Variants in SLC5A2 observed in about 807,000 individuals in gnomAD.
SLC5A2 encodes sodium/glucose cotransporter 2.
In SLC5A2, 67 loss-of-function variants were observed where a neutral mutation model predicts 69.0. That is an observed-to-expected ratio of 0.97 (90% CI 0.80 to 1.19). SLC5A2 has a LOEUF of 1.19. Among genes scored for constraint, SLC5A2 ranks in the 50% most tolerant of loss-of-function variants. The pLI is 0.00. For synonymous variants in SLC5A2, 455 were observed against 395.8 expected (o/e 1.15, Z -1.78); for missense variants, 1,001 against 921.5 (o/e 1.09, Z -1.12).
At chr16:31,488,825 G>C in intron 10 of SLC5A2, 53 bp downstream of exon 10, 1 of 1,601,006 alleles carries the variant, frequency 6.2e-7, no homozygotes, top group Non-Finnish European at 8.5e-7. Context: ...GCGGGGGCTT[G>C]CGCACCTGCA....
At chr16:31,489,966 T>C in intron 12 of SLC5A2, 138 bp from the exon 13 acceptor site, 1 of 1,134,944 alleles carries the variant, frequency 8.8e-7, no homozygotes, top group Non-Finnish European at 1.3e-6. Flanking sequence ...GGAGTTGGCA[T>C]GAGTTAAGCC....
At position 31,488,900 on chromosome 16, in the gene SLC5A2, T is replaced by A. The variant is rs1000795934; in HGVS notation, c.1301T>A (p.Val434Glu). 6.2e-7 allele frequency: 1 copy of A among 1,605,482 alleles called. No individual in the cohort carries two copies. Among genetic ancestry groups the A allele is most frequent in the Middle Eastern group, 1.7e-4 (1 of 6,010 alleles). Residue 434 changes from valine (V) to glutamate (E), a missense_variant, in exon 11 of 14, where the codon GTG becomes GAG. Physicochemically the swap from Val to Glu is moderately radical, Grantham distance 121 (BLOSUM62 -2). Coordinates refer to ENST00000330498, the MANE Select transcript of SLC5A2 (RefSeq NM_003041.4). ...LVGRLWVVFI[V>E]VVSVAWLPVV... Reference sequence around the variant, plus strand: ...CGCAGGCTCTGGGTGGTGTTCATCGTGGTAGTGTCGGTGGCCTGGCTTCCC... The same window carrying A: ...CGCAGGCTCTGGGTGGTGTTCATCGAGGTAGTGTCGGTGGCCTGGCTTCCC...
At position 31,485,768 on chromosome 16, in the gene SLC5A2, C is replaced by T. The variant is rs757944044; in HGVS notation, c.343C>T (p.Pro115Ser). 1.9e-6 allele frequency: 3 copies of T among 1,613,774 alleles called. No individual in the cohort carries two copies. Among genetic ancestry groups the T allele is most frequent in the Non-Finnish European group, 2.5e-6 (3 of 1,180,030 alleles). Residue 115 changes from proline to serine, a missense_variant, in exon 4 of 14, where the codon CCC (proline) becomes TCC (serine). Pro to Ser is a moderately conservative substitution (Grantham distance 74, BLOSUM62 -1). Coordinates refer to ENST00000330498, the MANE Select transcript of SLC5A2 (RefSeq NM_003041.4). ...VVLLLGWLFA[P>S]VYLTAGVITM... ...GCTGCTACTGGGCTGGCTGTTTGCA[C>T]CCGTGTACCTGACAGCGGGGGTCAT...
intron 1 of SLC5A2, among the ~76,000 whole-genome samples, chr16:31,484,257 C>T (rs545523522): frequency 6.5e-5 from 8 of 123,056 alleles, no homozygotes; most frequent in South Asian, 4.4e-4. Context: ...CACACACACA[C>T]GCACACACAC....
intron 3 of SLC5A2, chr16:31,485,504 A>G: frequency 1.7e-6 from 1 of 603,152 alleles, no homozygotes; most frequent in Non-Finnish European, 2.9e-6. Flanking sequence ...ACGGGCCAGA[A>G]GTGATAGCCT....
chr16:31,487,028 G>C (rs1191538551), intron 5 of SLC5A2, among the ~76,000 whole-genome samples: 4 of 151,028 alleles, frequency 2.6e-5, no homozygotes, highest in African/African-American at 9.7e-5. Context: ...CTGGGCGACA[G>C]GGCAAGACTC....
intron 10 of SLC5A2, 32 bp from the exon 11 acceptor site, chr16:31,488,848 G>A: frequency 6.2e-7 from 1 of 1,602,686 alleles, no homozygotes; most frequent in South Asian, 1.1e-5. Flanking sequence ...GGAGCCCAGG[G>A]TCCGGGTTCG....
In SLC5A2 at chr16:31,483,805, T is replaced by G. The variant is rs745877074; in HGVS notation, c.126+543T>G. Among the ~76,000 whole-genome samples the G allele has an allele frequency of 9.2e-5, 14 of 152,076 alleles. 1 individual carries two copies. Among genetic ancestry groups the G allele is most frequent in the Non-Finnish European group, 1.9e-4 (13 of 68,014 alleles). Reference sequence around the variant, plus strand: ...TCTCACCATGTTGCCCAGGCTAGTCTTGAACTCTTAGGCTCAAGCAATCCT... The same window carrying G: ...TCTCACCATGTTGCCCAGGCTAGTCGTGAACTCTTAGGCTCAAGCAATCCT... On this transcript the variant is annotated intron_variant, in intron 1 of 13. Transcript: ENST00000330498.
chr16:31,490,701 C>T lies in SLC5A2; in HGVS notation c.*166C>T. On this transcript the variant is annotated 3_prime_UTR_variant, in exon 14 of 14. Transcript: ENST00000330498. ...GCCCACTGCATCTGATTGGCAGTCA[C>T]TTCCCATGAGGGCCTGGCCCACCCG... The T allele has an allele frequency of 8.6e-7, 1 of 1,168,164 alleles. No homozygotes were observed. Among genetic ancestry groups the T allele is most frequent in the East Asian group, 2.4e-5 (1 of 41,568 alleles). 72.4% of individuals were successfully genotyped at this position (1,168,164 alleles called of 1,614,324 possible). A position where few individuals can be genotyped will look rare whatever the true frequency, so the allele number is the denominator to read the frequency against.
At chr16:31,487,829 C>T (rs2082511065) in intron 7 of SLC5A2, 70 bp downstream of exon 7, 2 of 1,482,324 alleles carry the variant, frequency 1.3e-6, no homozygotes, top group Admixed American at 2.0e-5. Flanking sequence ...TGAGTCCCTC[C>T]CCGCCTTCCC....
chr16:31,488,820 G>A (rs1372805128), intron 10 of SLC5A2, 48 bp downstream of exon 10: 1 of 1,601,102 alleles, frequency 6.2e-7, no homozygotes, highest in Non-Finnish European at 8.5e-7. Context: ...CCGGGGCGGG[G>A]GCTTGCGCAC....
chr16:31,487,712 C>A lies in SLC5A2; in HGVS notation c.838C>A (p.Leu280Ile). 6.2e-7 allele frequency: 1 copy of A among 1,612,812 alleles called. No individual in the cohort carries two copies. The highest frequency in any genetic ancestry group is 8.5e-7 in the Non-Finnish European group (1 of 1,179,910). Residue 280 changes from leucine to isoleucine, a missense_variant, in exon 7 of 14, where the codon CTC (leucine) becomes ATC (isoleucine). Transcript: ENST00000330498. ...VTGDLPWPAL[L>I]LGLTIVSGWY... ...CGGGGATCTGCCGTGGCCCGCGCTG[C>A]TCCTCGGACTCACAATCGTCTCGGG...
intron 3 of SLC5A2, chr16:31,485,496 G>C: frequency 1.7e-6 from 1 of 595,168 alleles, no homozygotes; most frequent in Non-Finnish European, 3.0e-6. Flanking sequence ...TGGGAAAAAC[G>C]GGCCAGAAGT....
In SLC5A2 at chr16:31,486,091, T is replaced by C. The variant is rs573513135; in HGVS notation, c.469-79T>C. 96 of 1,254,492 alleles carry C rather than the reference T, an allele frequency of 7.7e-5. 1 individual carries two copies. The South Asian group carries it at 1.1e-3, about 14-fold the overall frequency. The allele number at this position is 1,254,492 out of a possible 1,614,324, so 77.7% of individuals were successfully genotyped here. A position where few individuals can be genotyped will look rare whatever the true frequency, so the allele number is the denominator to read the frequency against. On this transcript the variant is annotated intron_variant, in intron 4 of 13. Coordinates refer to ENST00000330498, the MANE Select transcript of SLC5A2 (RefSeq NM_003041.4). Reference sequence around the variant, plus strand: ...GAAAAATGGAGGGAAGCTTTGAGGCTAGTAGGGCATGGCCTGGGCAGGAGG... The same window carrying C: ...GAAAAATGGAGGGAAGCTTTGAGGCCAGTAGGGCATGGCCTGGGCAGGAGG...
In SLC5A2 at chr16:31,487,647, C is replaced by G. The variant is rs1446324960; in HGVS notation, c.773C>G (p.Pro258Arg). The change falls in exon 7 of 14, where the codon CCC becomes CGC. Residue 258 changes from proline (P) to arginine (R), a missense_variant. Transcript: ENST00000330498. Reference protein sequence around the residue: ...VGNISSFCYRPRPDSYHLLRH... With the variant: ...VGNISSFCYRRRPDSYHLLRH... ...AACATCTCCAGCTTCTGCTATCGAC[C>G]CCGGCCCGACTCCTACCACCTGCTC... 1.2e-6 allele frequency: 2 copies of G among 1,613,896 alleles called. No individual in the cohort carries two copies. Among genetic ancestry groups the G allele is most frequent in the Admixed American group, 3.3e-5 (2 of 60,038 alleles).
At position 31,490,055 on chromosome 16, in the gene SLC5A2, G is replaced by T. The variant is rs371419116; in HGVS notation, c.1666-49G>T. ...GGTGTGCAAGAGACTTTAGGGCCAG[G>T]CATGGGGGGACAGAACTCCCACCTC... is the stretch of plus-strand genomic sequence containing the variant. On this transcript the variant is annotated intron_variant, in intron 12 of 13. Transcript: ENST00000330498. 2.3e-5 allele frequency: 37 copies of T among 1,611,002 alleles called. No individual in the cohort carries two copies. The African/African-American group carries it at 4.4e-4, about 19-fold the overall frequency.
At position 31,483,176 on chromosome 16, in the gene SLC5A2, G is replaced by C. The variant is rs1270342209; in HGVS notation, c.40G>C (p.Gly14Arg). 3 of 1,614,000 alleles carry C rather than the reference G, an allele frequency of 1.9e-6. No individual in the cohort carries two copies. Among genetic ancestry groups the C allele is most frequent in the Admixed American group, 3.3e-5 (2 of 60,030 alleles). ...AGAGGCAGGCTCGGCACCAGAGATGGGGGCCCAGAAGGCCCTGATTGACAA... is the reference window on the plus strand; with the variant it reads ...AGAGGCAGGCTCGGCACCAGAGATGCGGGCCCAGAAGGCCCTGATTGACAA... ...HTEAGSAPEM[G>R]AQKALIDNPA... Residue 14 changes from glycine (G) to arginine (R), a missense_variant, in exon 1 of 14, where the codon GGG (glycine) becomes CGG (arginine). Physicochemically the swap from Gly to Arg is moderately radical, Grantham distance 125. Coordinates refer to ENST00000330498, the MANE Select transcript of SLC5A2 (RefSeq NM_003041.4).
chr16:31,485,718 GC>G lies in SLC5A2; in HGVS notation c.304-5del, dbSNP rs765982681. ...CAAAGCCACCCTCAGCGGCAGTACT[GC>G]CCCCCGTAGGCGCTCTTCGTGGTGC... is the stretch of plus-strand genomic sequence containing the variant. On this transcript the variant is annotated splice_polypyrimidine_tract_variant and intron_variant, in intron 3 of 13. Coordinates refer to ENST00000330498, the MANE Select transcript of SLC5A2 (RefSeq NM_003041.4). 12 of 1,612,198 alleles carry G rather than the reference GC, an allele frequency of 7.4e-6. 1 individual carries two copies. The South Asian group carries it at 8.8e-5, about 12-fold the overall frequency.
chr16:31,489,607 T>A (rs940685122), intron 12 of SLC5A2: 3 of 575,178 alleles, frequency 5.2e-6, no homozygotes, highest in African/African-American at 1.9e-5. Flanking sequence ...AAACACAGGA[T>A]CTGACTGGTG....
Sources: allele counts gnomAD v4.1 joint callset (sites outside exome capture counted in the v4.1 genomes callset), GRCh38; gene constraint gnomAD v4.1.1; transcripts MANE v1.5; gene names NCBI Gene and HGNC (gene_info 2026-07-23, HGNC 2026-07-21).